Variants in SNX29 observed in about 807,000 individuals in gnomAD.
The protein encoded by SNX29 is sorting nexin-29.
In SNX29, 78 loss-of-function variants were observed where a neutral mutation model predicts 102.1. The ratio of observed to expected loss-of-function variants is 0.76; its 90% CI spans 0.64 to 0.92. SNX29 has a LOEUF of 0.92. Among genes scored for constraint, SNX29 ranks in the 40% least tolerant of loss-of-function variants. The pLI, the probability that SNX29 is intolerant of heterozygous loss-of-function variation, is 0.00. For synonymous variants in SNX29, 580 were observed against 414.5 expected (o/e 1.40, Z -4.85); for missense variants, 1,280 against 1,061.7 (o/e 1.21, Z -2.86).
Position 12,528,609 on chromosome 16 carries a change from A to T in SNX29, c.2318+3768A>T, listed in dbSNP as rs1041274449. Among the ~76,000 whole-genome samples the T allele has an allele frequency of 4.6e-5, 7 of 152,272 alleles. 1 individual carries two copies. The South Asian group carries it at 1.5e-3, about 32-fold the overall frequency. The stretch of plus-strand genomic sequence containing the variant: ...CCCCATCTCCTGTTGTCTCCTGGGC[A>T]CTGAGCCAGCATCCCCTCCATGCTG... On this transcript the variant is annotated intron_variant, in intron 20 of 20. Coordinates refer to ENST00000566228, the MANE Select transcript of SNX29 (RefSeq NM_032167.5).
chr16:12,218,318 T>G (rs946895049), intron 14 of SNX29, among the ~76,000 whole-genome samples: 1 of 147,014 alleles, frequency 6.8e-6, no homozygotes, highest in African/African-American at 2.7e-5. Context: ...ATCACACAAA[T>G]CTACTCCACA....
chr16:12,197,437 G>C (rs950358118), intron 13 of SNX29, among the ~76,000 whole-genome samples: 28 of 152,286 alleles, frequency 1.8e-4, no homozygotes, highest in African/African-American at 6.3e-4. Context: ...CGGTCATGGT[G>C]GTGGGCGCCT....
intron 18 of SNX29, among the ~76,000 whole-genome samples, chr16:12,455,653 CAA>C (rs925717221): frequency 1.3e-5 from 2 of 152,198 alleles, no homozygotes; most frequent in African/African-American, 4.8e-5. Context: ...GTAGGCTTTG[CAA>C]AGTCTTTATT....
chr16:12,153,734 T>A (rs1472824199), intron 13 of SNX29, among the ~76,000 whole-genome samples: 2 of 151,834 alleles, frequency 1.3e-5, no homozygotes, highest in African/African-American at 2.4e-5. Flanking sequence ...CATCTCAGCC[T>A]CCCAAAGTGC....
chr16:12,135,524 C>T (rs2054627818), intron 13 of SNX29: 3 of 1,319,640 alleles, frequency 2.3e-6, no homozygotes, highest in Non-Finnish European at 3.0e-6. Context: ...TGGTGCCAGC[C>T]AGTTCTCTTT....
At chr16:12,497,789 A>G (rs752929186) in intron 19 of SNX29, among the ~76,000 whole-genome samples, 17 of 152,196 alleles carry the variant, frequency 1.1e-4, no homozygotes, top group Non-Finnish European at 2.2e-4. Flanking sequence ...TCAGGCAGAA[A>G]GAGCATATTG....
In SNX29 at chr16:12,043,087, C is replaced by A. The variant is rs373070737; in HGVS notation, c.428+10C>A. On this transcript the variant is annotated intron_variant, in intron 5 of 20. Coordinates refer to ENST00000566228, the MANE Select transcript of SNX29 (RefSeq NM_032167.5). ...ACCGCTGCAGGCTGAGGTACGTGGC[C>A]GGGATGCGAACTGGGATGGGATGGA... 8 of 1,612,454 alleles carry A rather than the reference C, an allele frequency of 5.0e-6. No individual in the cohort carries two copies. The highest frequency in any genetic ancestry group is 6.8e-6 in the Non-Finnish European group (8 of 1,179,710).
chr16:12,437,506 G>A (rs941007750), intron 18 of SNX29, among the ~76,000 whole-genome samples: 2 of 152,216 alleles, frequency 1.3e-5, no homozygotes, highest in Non-Finnish European at 2.9e-5. Context: ...CATCTGAACT[G>A]AGTCTCAGGA....
At chr16:12,380,986 C>A (rs1597159367) in intron 16 of SNX29, among the ~76,000 whole-genome samples, 1 of 112,558 alleles carries the variant, frequency 8.9e-6, no homozygotes, top group African/African-American at 3.9e-5. Context: ...ACCATCCATC[C>A]ATCCACCCAC....
At chr16:12,158,929 A>G (rs1396112891) in intron 13 of SNX29, among the ~76,000 whole-genome samples, 1 of 152,182 alleles carries the variant, frequency 6.6e-6, no homozygotes, top group Non-Finnish European at 1.5e-5. Flanking sequence ...CAGAACGAGG[A>G]TCTTTGCCTG....
At chr16:12,444,984 T>A (rs1268360040) in intron 18 of SNX29, among the ~76,000 whole-genome samples, 1 of 151,926 alleles carries the variant, frequency 6.6e-6, no homozygotes, top group Non-Finnish European at 1.5e-5. Context: ...CCCAAGTAGC[T>A]GGACTATAGA....
intron 14 of SNX29, among the ~76,000 whole-genome samples, chr16:12,223,781 C>T (rs2077538013): frequency 6.6e-6 from 1 of 152,176 alleles, no homozygotes; most frequent in Non-Finnish European, 1.5e-5. Flanking sequence ...TAGAGGGGAC[C>T]TTTTCATCTG....
At chr16:12,433,504 G>A (rs994117173) in intron 18 of SNX29, among the ~76,000 whole-genome samples, 1 of 151,994 alleles carries the variant, frequency 6.6e-6, no homozygotes, top group Non-Finnish European at 1.5e-5. Context: ...GGTGGCATAT[G>A]CCTGTAGTCC....
At chr16:12,036,235 C>T (rs1402725151) in intron 4 of SNX29, among the ~76,000 whole-genome samples, 5 of 151,932 alleles carry the variant, frequency 3.3e-5, no homozygotes, top group South Asian at 4.2e-4. Context: ...CCGCCACACT[C>T]GGCTCCTTGT....
At chr16:12,353,258 C>G (rs2082039772) in intron 15 of SNX29, among the ~76,000 whole-genome samples, 1 of 152,218 alleles carries the variant, frequency 6.6e-6, no homozygotes. Flanking sequence ...GCATTTCTAT[C>G]TCCTTGGTGT....
intron 19 of SNX29, among the ~76,000 whole-genome samples, chr16:12,513,905 C>T (rs1433467156): frequency 3.9e-5 from 6 of 152,170 alleles, no homozygotes; most frequent in African/African-American, 1.2e-4. Flanking sequence ...GTGGCAATAA[C>T]AGGAATTGCT....
At chr16:12,520,646 G>C (rs539410863) in intron 19 of SNX29, among the ~76,000 whole-genome samples, 1 of 152,122 alleles carries the variant, frequency 6.6e-6, no homozygotes, top group Non-Finnish European at 1.5e-5. Context: ...TGTCTTTTGC[G>C]GCAACTTGGA....
chr16:12,139,848 G>A (rs1168882869), intron 13 of SNX29, among the ~76,000 whole-genome samples: 1 of 151,918 alleles, frequency 6.6e-6, no homozygotes, highest in East Asian at 1.9e-4. Flanking sequence ...GTGCGTGGTG[G>A]TGCATGCCTG....
intron 15 of SNX29, among the ~76,000 whole-genome samples, chr16:12,312,291 T>A (rs371699304): frequency 1.4e-4 from 22 of 152,330 alleles, no homozygotes; most frequent in African/African-American, 5.3e-4. Flanking sequence ...CGCTGTCGTT[T>A]AGTCAGGGCT....
Sources: allele counts gnomAD v4.1 joint callset (sites outside exome capture counted in the v4.1 genomes callset), GRCh38; gene constraint gnomAD v4.1.1; transcripts MANE v1.5; gene names NCBI Gene and HGNC (gene_info 2026-07-23, HGNC 2026-07-21).